Variants in ZFP62 observed in about 807,000 individuals in gnomAD.
The protein encoded by ZFP62 is zinc finger protein 62 homolog.
In ZFP62, 44 loss-of-function variants were observed where a neutral mutation model predicts 56.4. That is an observed-to-expected ratio of 0.78 (90% CI 0.61 to 1.00). The LOEUF (loss-of-function observed/expected upper bound fraction) is 1.00. Among genes scored for constraint, ZFP62 ranks in the 50% least tolerant of loss-of-function variants. ZFP62 has a pLI of 0.00. For missense variants in ZFP62, 1,030 were observed against 1,085.7 expected (o/e 0.95, Z 0.72); for synonymous variants, 421 against 388.9 (o/e 1.08, Z -0.97).
At chr5:180,857,672 A>G (rs1774062076) in intron 1 of ZFP62, among the ~76,000 whole-genome samples, 1 of 151,690 alleles carries the variant, frequency 6.6e-6, no homozygotes, top group Non-Finnish European at 1.5e-5. Context: ...TAATTTTTAT[A>G]TTTTTAGTAG....
the ZFP62 span, among the ~76,000 whole-genome samples, chr5:180,841,468 C>G: frequency 2.8e-4 from 43 of 152,080 alleles, no homozygotes; most frequent in African/African-American, 1.0e-3. Flanking sequence ...TGAAAGTTAA[C>G]AAAATACAAA....
chr5:180,836,092 T>C, the ZFP62 span, among the ~76,000 whole-genome samples: 2 of 152,372 alleles, frequency 1.3e-5, no homozygotes, highest in African/African-American at 4.8e-5. Flanking sequence ...CCCGGCGCAT[T>C]AGGCCATGCC....
the ZFP62 span, among the ~76,000 whole-genome samples, chr5:180,833,185 G>A: frequency 8.5e-5 from 13 of 152,208 alleles, no homozygotes; most frequent in South Asian, 1.5e-3. Flanking sequence ...CCTCATGAAT[G>A]GAATGACTGC....
At chr5:180,832,089 CAAAA>C in the ZFP62 span, 2 of 152,190 alleles carry the variant, frequency 1.3e-5, no homozygotes, top group Non-Finnish European at 1.5e-5. Context: ...GACTCCATCT[CAAAA>C]CAAAAAACAA....
Position 180,849,042 on chromosome 5 carries a change from C to G in ZFP62, c.2453G>C (p.Gly818Ala). ...QGKQPYNCEC[G>A]KSFNYRSVLD... ...GACTGATCTATAATTGAAGGATTTCCCACACTCACAATTATAGGGCTGCTT... is the reference window on the plus strand; with the variant it reads ...GACTGATCTATAATTGAAGGATTTCGCACACTCACAATTATAGGGCTGCTT... Residue 818 changes from glycine to alanine, a missense_variant, in exon 2 of 2, where the codon GGG (glycine) becomes GCG (alanine). Transcript: ENST00000502412. 1 of 1,552,180 alleles carries G rather than the reference C, an allele frequency of 6.4e-7. No homozygotes were observed.
chr5:180,829,071 CCT>C, the ZFP62 span, among the ~76,000 whole-genome samples: 7 of 151,994 alleles, frequency 4.6e-5, no homozygotes, highest in Non-Finnish European at 8.8e-5. Context: ...GCTCTTAGAC[CCT>C]GTTTTCTGTT....
chr5:180,861,218 C>A lies in ZFP62; in HGVS notation c.1+1G>T, dbSNP rs1050688854. The A allele has an allele frequency of 2.5e-6, 1 of 398,238 alleles. No individual in the cohort carries two copies. 24.7% of individuals were successfully genotyped at this position (398,238 alleles called of 1,614,324 possible). A position where few individuals can be genotyped will look rare whatever the true frequency, so the allele number is the denominator to read the frequency against. ...GCGCGGGCGGCCGCGGACTCACGTA[C>A]TGGCTGTGGCGGCGCCGCGGGAACC... is the stretch of plus-strand genomic sequence containing the variant. On this transcript the variant is annotated splice_donor_variant, in intron 1 of 1. Coordinates refer to ENST00000502412, the MANE Select transcript of ZFP62 (RefSeq NM_001172638.2). LOFTEE classifies it high-confidence loss of function.
intron 1 of ZFP62, among the ~76,000 whole-genome samples, chr5:180,859,515 T>C (rs1052601072): frequency 1.5e-4 from 23 of 152,228 alleles, no homozygotes; most frequent in African/African-American, 5.5e-4. Context: ...TGCTTAAATA[T>C]AGAAATAAGA....
At chr5:180,852,744 G>A (rs1233836770) in intron 1 of ZFP62, among the ~76,000 whole-genome samples, 1 of 152,080 alleles carries the variant, frequency 6.6e-6, no homozygotes, top group Non-Finnish European at 1.5e-5. Flanking sequence ...ACAAAAGACT[G>A]ATACATTTTC....
chr5:180,858,190 G>A (rs962970838), intron 1 of ZFP62, among the ~76,000 whole-genome samples: 1 of 139,836 alleles, frequency 7.2e-6, no homozygotes, highest in Non-Finnish European at 1.5e-5. Context: ...CCAGAAGGTG[G>A]AGGTTGCAGT....
downstream of ZFP62, among the ~76,000 whole-genome samples, chr5:180,846,220 G>A (rs1214117999): frequency 6.6e-6 from 1 of 152,134 alleles, no homozygotes; most frequent in South Asian, 2.1e-4. Flanking sequence ...CCCATTTCTG[G>A]AGCATGCGAG....
the ZFP62 span, among the ~76,000 whole-genome samples, chr5:180,835,957 C>T: frequency 6.6e-6 from 1 of 152,244 alleles, no homozygotes. Context: ...TCTGACAGTA[C>T]TCCATACAAT....
chr5:180,850,065 T>C lies in ZFP62; in HGVS notation c.1430A>G (p.Tyr477Cys), dbSNP rs1455536189. The change falls in exon 2 of 2, where the codon TAT becomes TGT. Residue 477 changes from tyrosine (Y) to cysteine (C), a missense_variant. By Grantham distance (194) the Tyr-to-Cys change is radical. Coordinates refer to ENST00000502412, the MANE Select transcript of ZFP62 (RefSeq NM_001172638.2). ...HRRLHTGEKP[Y>C]KCDVCGKAYI... is the part of the protein sequence containing the mutation. ...GGCTTTCCCACACACATCACACTTATATGGTTTTTCCCCAGTATGGAGCCT... is the reference window on the plus strand; with the variant it reads ...GGCTTTCCCACACACATCACACTTACATGGTTTTTCCCCAGTATGGAGCCT... 52 of 1,551,752 alleles carry C rather than the reference T, an allele frequency of 3.4e-5. No individual in the cohort carries two copies. The East Asian group carries it at 9.3e-4, about 28-fold the overall frequency.
chr5:180,840,983 T>C, the ZFP62 span, among the ~76,000 whole-genome samples: 1 of 152,104 alleles, frequency 6.6e-6, no homozygotes, highest in South Asian at 2.1e-4. Flanking sequence ...AGGAACTCCA[T>C]GATTTGTGCT....
the ZFP62 span, among the ~76,000 whole-genome samples, chr5:180,833,662 AT>A: frequency 6.7e-6 from 1 of 148,486 alleles, no homozygotes; most frequent in African/African-American, 2.6e-5. Flanking sequence ...CCACCACTCT[AT>A]GACACGGTAT....
At chr5:180,833,734 G>C in the ZFP62 span, among the ~76,000 whole-genome samples, 1 of 149,806 alleles carries the variant, frequency 6.7e-6, no homozygotes, top group Non-Finnish European at 1.5e-5. Flanking sequence ...GCAGTGGCAC[G>C]ATCTCGGCTC....
intron 1 of ZFP62, among the ~76,000 whole-genome samples, chr5:180,859,195 C>G (rs1774170402): frequency 6.6e-6 from 1 of 152,230 alleles, no homozygotes; most frequent in Non-Finnish European, 1.5e-5. Context: ...TTTGCAGAGT[C>G]CAACCATATT....
Position 180,847,778 on chromosome 5 carries a change from A to C in ZFP62, c.*1014T>G, listed in dbSNP as rs952517521. On this transcript the variant is annotated 3_prime_UTR_variant, in exon 2 of 2. Transcript: ENST00000502412. ...ATCTTTACAATAACACATTCCAAAA[A>C]CAATCAAACATTTAACAGGATTATT... is the stretch of plus-strand genomic sequence containing the variant. The C allele has an allele frequency of 6.1e-6, 6 of 985,322 alleles. No homozygotes were observed. The African/African-American group carries it at 1.0e-4, about 17-fold the overall frequency. The allele number at this position is 985,322 out of a possible 1,614,324, so 61.0% of individuals were successfully genotyped here. A position where few individuals can be genotyped will look rare whatever the true frequency, so the allele number is the denominator to read the frequency against.
At chr5:180,830,245 G>GT in the ZFP62 span, 1 of 152,248 alleles carries the variant, frequency 6.6e-6, no homozygotes, top group Non-Finnish European at 1.5e-5. Context: ...TTACTGCAGA[G>GT]TTTGGGGAGG....
Sources: gnomAD v4.1 joint callset for allele counts (sites outside exome capture counted in the v4.1 genomes callset) on GRCh38, gnomAD v4.1.1 for gene constraint, MANE v1.5 for transcripts, NCBI Gene and HGNC (gene_info 2026-07-23, HGNC 2026-07-21) for gene names.